The following TAF1C variants were observed in gnomAD, a reference collection of about 807,000 sequenced individuals.
The protein encoded by TAF1C is TATA-box binding protein associated factor, RNA polymerase I subunit C, also known as TATA box-binding protein-associated factor RNA polymerase I subunit C.
A neutral mutation model predicts 70.5 loss-of-function variants in TAF1C; 79 were observed. The ratio of observed to expected loss-of-function variants is 1.12; its 90% CI spans 0.93 to 1.35. TAF1C has a LOEUF of 1.35. TAF1C is among the 40% of genes most tolerant of loss of function. The pLI, the probability that TAF1C is intolerant of heterozygous loss-of-function variation, is 0.00. For missense variants in TAF1C, 1,412 were observed against 1,127.8 expected, an observed-to-expected ratio of 1.25 and a Z score of -3.61; for synonymous variants, 614 against 491.1, an observed-to-expected ratio of 1.25 and a Z score of -3.31.
At chr16:84,181,219 C>A in intron 11 of TAF1C, 33 bp from the exon 12 acceptor site, 1 of 1,593,124 alleles carries the variant, frequency 6.3e-7, no homozygotes, top group Non-Finnish European at 8.6e-7. Flanking sequence ...GCCCTCCCCA[C>A]AGTCCCAGGC....
Position 84,179,224 on chromosome 16 carries a change from T to G in TAF1C, c.2249A>C (p.His750Pro). ...VDPSEDTSSP[H>P]SPEWPPADAL... ...ATCAGCAGGTGGCCACTCAGGGCTA[T>G]GAGGGGAGCTGGTGTCCTCTGAGGG... The change falls in exon 15 of 15, where the codon CAT (histidine) becomes CCT (proline). Residue 750 changes from histidine to proline, a missense_variant. Transcript: ENST00000566732. 1 of 1,584,500 alleles carries G rather than the reference T, an allele frequency of 6.3e-7. No individual in the cohort carries two copies. The highest frequency in any genetic ancestry group is 8.5e-7 in the Non-Finnish European group (1 of 1,171,816).
Position 84,181,476 on chromosome 16 carries a change from G to C in TAF1C, c.1029-13C>G. ...GATTTGCCGCAGCCTTGGGGAGACA[G>C]GCAAGCCGTGGGCAGGGGGACAGGC... On this transcript the variant is annotated splice_polypyrimidine_tract_variant and intron_variant, in intron 10 of 14. Transcript: ENST00000566732. The C allele has an allele frequency of 1.9e-6, 3 of 1,613,686 alleles. No individual in the cohort carries two copies. The highest frequency in any genetic ancestry group is 2.5e-6 in the Non-Finnish European group (3 of 1,179,926).
chr16:84,180,146 G>A (rs751038649), intron 13 of TAF1C, 24 bp downstream of exon 13: 21 of 1,555,652 alleles, frequency 1.3e-5, no homozygotes, highest in South Asian at 3.6e-5. Flanking sequence ...CCCACACGCC[G>A]CCCACCCTGG....
At chr16:84,186,069 T>G (rs753384710) in intron 1 of TAF1C, among the ~76,000 whole-genome samples, 13 of 152,244 alleles carry the variant, frequency 8.5e-5, no homozygotes, top group Non-Finnish European at 1.8e-4. Context: ...TGCTAAATGC[T>G]GCACTCTTCT....
At chr16:84,186,829 C>G (rs1322278659) in intron 1 of TAF1C, 72 bp downstream of exon 1, 1 of 152,266 alleles carries the variant, frequency 6.6e-6, no homozygotes, top group Non-Finnish European at 1.5e-5. Context: ...GGCGTCCCTC[C>G]CCTCCTACAT....
At chr16:84,185,104 G>A (rs1014677649) in intron 1 of TAF1C, 44 bp from the exon 2 acceptor site, 18 of 1,316,224 alleles carry the variant, frequency 1.4e-5, no homozygotes, top group South Asian at 1.6e-5. Flanking sequence ...TGTTCTTTGA[G>A]GAAGCAGATA....
intron 5 of TAF1C, 47 bp downstream of exon 5, chr16:84,183,197 T>G: frequency 6.2e-7 from 1 of 1,613,904 alleles, no homozygotes; most frequent in Non-Finnish European, 8.5e-7. Context: ...AGTTCACCCC[T>G]GAAGGACAGC....
intron 13 of TAF1C, 40 bp from the exon 14 acceptor site, chr16:84,180,123 G>A (rs747198082): frequency 7.7e-6 from 12 of 1,565,086 alleles, no homozygotes; most frequent in African/African-American, 4.1e-5. Context: ...TCCAGGCCCC[G>A]ACCGCCCCAT....
rs2089258972 is a variant in TAF1C, at chr16:84,182,458, G to A, written c.483-18C>T. The A allele has an allele frequency of 3.8e-6, 6 of 1,590,064 alleles. No individual in the cohort carries two copies. Among genetic ancestry groups the A allele is most frequent in the Admixed American group, 1.7e-5 (1 of 58,414 alleles). ...AGGGACACCTGGGGACCAGAGAACA[G>A]CAGGAGGATCACTCGGTGGCACTCA... On this transcript the variant is annotated intron_variant, in intron 6 of 14. Coordinates refer to ENST00000566732, the MANE Select transcript of TAF1C (RefSeq NM_001243156.2). This position sits in a 1 kb window ranked among gnomAD's most constrained non-coding sequence, Gnocchi z 5.0.
At chr16:84,185,281 C>G in intron 1 of TAF1C, 1 of 286,720 alleles carries the variant, frequency 3.5e-6, no homozygotes, top group South Asian at 5.7e-5. Flanking sequence ...CAGCCTGAAC[C>G]TAGTGAAGGA....
In TAF1C at chr16:84,183,351, C is replaced by T. The variant is rs2089306800; in HGVS notation, c.319-18G>A. The stretch of plus-strand genomic sequence containing the variant: ...CGGCTGATCTGGGGAGAAGAGGAGG[C>T]CAGGTCACTAAGCACAGTCTCCAGG... On this transcript the variant is annotated intron_variant, in intron 4 of 14. Transcript: ENST00000566732. 4 of 1,613,914 alleles carry T rather than the reference C, an allele frequency of 2.5e-6. No individual in the cohort carries two copies. Among genetic ancestry groups the T allele is most frequent in the Non-Finnish European group, 3.4e-6 (4 of 1,180,008 alleles).
In TAF1C at chr16:84,179,676, TGTGGGG is replaced by T; in HGVS notation, c.1791_1796del (p.Pro598_Thr599del). 6.2e-7 allele frequency: 1 copy of T among 1,612,614 alleles called. No individual in the cohort carries two copies. The highest frequency in any genetic ancestry group is 1.1e-5 in the South Asian group (1 of 91,064). ...CAGTGTCCTGGGAGGTCCAGGAAGC[TGTGGGG>T]GCATGGCAGTCAGGTTGGGTGTCGC... On this transcript the variant is annotated inframe_deletion, in exon 15 of 15. Transcript: ENST00000566732.
rs374787575 is a variant in TAF1C, at chr16:84,183,691, C to G, written c.220+6G>C. 6.2e-6 allele frequency: 10 copies of G among 1,609,966 alleles called. No individual in the cohort carries two copies. The highest frequency in any genetic ancestry group is 1.8e-4 in the Middle Eastern group (1 of 5,580). ...TGGAGTGAGCCCGGGGGAATGAGACCCTTACCGATGAGGGGAGGCAGCATG... is the reference window on the plus strand; with the variant it reads ...TGGAGTGAGCCCGGGGGAATGAGACGCTTACCGATGAGGGGAGGCAGCATG... On this transcript the variant is annotated splice_donor_region_variant and intron_variant, in intron 3 of 14. Coordinates refer to ENST00000566732, the MANE Select transcript of TAF1C (RefSeq NM_001243156.2).
At position 84,182,994 on chromosome 16, in the gene TAF1C, G is replaced by T; in HGVS notation, c.482+82C>A. ...AGGGGGGAAGTGGGTATGACGGAAA[G>T]CTGTACGTGCGTCCTAGCACCTCCT... On this transcript the variant is annotated intron_variant, in intron 6 of 14. Transcript: ENST00000566732. This position sits in a 1 kb window ranked among gnomAD's most constrained non-coding sequence, Gnocchi z 5.0. The T allele has an allele frequency of 7.0e-7, 1 of 1,420,662 alleles. No individual in the cohort carries two copies. Among genetic ancestry groups the T allele is most frequent in the Non-Finnish European group, 9.9e-7 (1 of 1,006,652 alleles). 88.0% of individuals were successfully genotyped at this position (1,420,662 alleles called of 1,614,324 possible). A position where few individuals can be genotyped will look rare whatever the true frequency, so the allele number is the denominator to read the frequency against.
chr16:84,179,020 C>A lies in TAF1C; in HGVS notation c.2453G>T (p.Arg818Leu). 6.2e-7 allele frequency: 1 copy of A among 1,610,712 alleles called. No individual in the cohort carries two copies. Among genetic ancestry groups the A allele is most frequent in the Non-Finnish European group, 8.5e-7 (1 of 1,179,954 alleles). The change falls in exon 15 of 15, where the codon CGG becomes CTG. Residue 818 changes from arginine to leucine, a missense_variant. Transcript: ENST00000566732. ...TGTGTGCTGCTGGGAGCGAGTGGCCCGGACGCTGGAGGCCTGGGAGTGGGG... is the reference window on the plus strand; with the variant it reads ...TGTGTGCTGCTGGGAGCGAGTGGCCAGGACGCTGGAGGCCTGGGAGTGGGG... ...TPPHSQASSVRATRSQQHTPV... is the reference protein window; with the variant it reads ...TPPHSQASSVLATRSQQHTPV...
At position 84,178,557 on chromosome 16, in the gene TAF1C, C is replaced by T. The variant is rs987902113; in HGVS notation, c.*384G>A. On this transcript the variant is annotated 3_prime_UTR_variant, in exon 15 of 15. Transcript: ENST00000566732. The stretch of plus-strand genomic sequence containing the variant: ...GGCCTCACTCCACCCTCACCAAACA[C>T]GAGGAGCCAGCACTCCTGGCCCCCA... 37 of 438,186 alleles carry T rather than the reference C, an allele frequency of 8.4e-5. No homozygotes were observed. The highest frequency in any genetic ancestry group is 6.0e-4 in the Admixed American group (24 of 40,034). 27.1% of individuals were successfully genotyped at this position (438,186 alleles called of 1,614,324 possible). A position where few individuals can be genotyped will look rare whatever the true frequency, so the allele number is the denominator to read the frequency against.
chr16:84,183,191 C>G, intron 5 of TAF1C, 42 bp from the exon 6 acceptor site: 2 of 1,613,924 alleles, frequency 1.2e-6, no homozygotes, highest in South Asian at 2.2e-5. Flanking sequence ...CCCTCGAGTT[C>G]ACCCCTGAAG....
chr16:84,178,519 G>A lies in TAF1C; in HGVS notation c.*422C>T. 3 of 460,398 alleles carry A rather than the reference G, an allele frequency of 6.5e-6. No individual in the cohort carries two copies. The highest frequency in any genetic ancestry group is 1.3e-5 in the Non-Finnish European group (3 of 231,270). 28.5% of individuals were successfully genotyped at this position (460,398 alleles called of 1,614,324 possible). On this transcript the variant is annotated 3_prime_UTR_variant, in exon 15 of 15. Coordinates refer to ENST00000566732, the MANE Select transcript of TAF1C (RefSeq NM_001243156.2). ...AACGGCCGCTGTGCCCACCTCATCAGCAGCTCTGCAGGGGCCTCACTCCAC... is the reference window on the plus strand; with the variant it reads ...AACGGCCGCTGTGCCCACCTCATCAACAGCTCTGCAGGGGCCTCACTCCAC...
At position 84,181,776 on chromosome 16, in the gene TAF1C, A is replaced by G; in HGVS notation, c.926T>C (p.Val309Ala). 6.2e-7 allele frequency: 1 copy of G among 1,613,894 alleles called. No individual in the cohort carries two copies. ...GCTGATCCCCGTGGCCCCTTTCTCCACCTGCATTGCCTGCAGAAGGGTTGG... is the reference window on the plus strand; with the variant it reads ...GCTGATCCCCGTGGCCCCTTTCTCCGCCTGCATTGCCTGCAGAAGGGTTGG... ...WQPTLLQAMQ[V>A]EKGATGISLS... Residue 309 changes from valine (V) to alanine (A), a missense_variant, in exon 9 of 15, where the codon GTG becomes GCG. By Grantham distance (64) the Val-to-Ala change is moderately conservative. Coordinates refer to ENST00000566732, the MANE Select transcript of TAF1C (RefSeq NM_001243156.2).
Sources: gnomAD v4.1 joint callset for allele counts (sites outside exome capture counted in the v4.1 genomes callset) on GRCh38, gnomAD v4.1.1 for gene constraint, Gnocchi (gnomAD v3.1) non-coding constraint, MANE v1.5 for transcripts, NCBI Gene and HGNC (gene_info 2026-07-23, HGNC 2026-07-21) for gene names.